CNTN4: variants seen among roughly 807,000 people sequenced by gnomAD.
CNTN4 encodes contactin 4.
CNTN4 carries 77 observed loss-of-function variants against 122.5 expected under a neutral mutation model. That is an observed-to-expected ratio of 0.63 (90% CI 0.52 to 0.76). CNTN4 has a LOEUF of 0.76. Among genes scored for constraint, CNTN4 ranks in the 30% least tolerant of loss-of-function variants. The probability of loss-of-function intolerance (pLI) is 0.00; values close to 1 mark genes in which losing one functional copy is unlikely to be tolerated. For synonymous variants in CNTN4, 512 were observed against 447.0 expected, an observed-to-expected ratio of 1.15 and a Z score of -1.83; for missense variants, 1,256 against 1,259.1, an observed-to-expected ratio of 1.00 and a Z score of 0.04.
intron 21 of CNTN4, among the ~76,000 whole-genome samples, chr3:3,042,656 C>T (rs1004756853): frequency 1.3e-5 from 2 of 152,084 alleles, no homozygotes; most frequent in African/African-American, 2.4e-5. Flanking sequence ...TAAGCATTTA[C>T]GGGATGGTTG....
At chr3:2,425,226 C>A (rs987748425) in intron 3 of CNTN4, among the ~76,000 whole-genome samples, 1 of 152,138 alleles carries the variant, frequency 6.6e-6, no homozygotes, top group Non-Finnish European at 1.5e-5. Flanking sequence ...AGTCTTTAAT[C>A]CATCTTGAAT....
chr3:2,413,793 G>A lies in CNTN4; in HGVS notation c.-89+74560G>A, dbSNP rs1413321490. 4.6e-5 allele frequency among the ~76,000 whole-genome samples: 7 copies of A among 152,034 alleles called. No homozygotes were observed. The South Asian group carries it at 8.3e-4, about 18-fold the overall frequency. On this transcript the variant is annotated intron_variant, in intron 3 of 24. Coordinates refer to ENST00000418658, the MANE Select transcript of CNTN4 (RefSeq NM_175607.3). ...TGACCTCAAGTGATCCACCTGCCTC[G>A]GCCTCCCAAAGTGCTGGGATTACAG... is the stretch of plus-strand genomic sequence containing the variant.
At chr3:2,117,241 C>T (rs2033419003) in intron 2 of CNTN4, among the ~76,000 whole-genome samples, 1 of 152,180 alleles carries the variant, frequency 6.6e-6, no homozygotes. Context: ...GAGCTTCTCA[C>T]AGAGCTCAGG....
intron 16 of CNTN4, 135 bp downstream of exon 16, chr3:3,031,110 T>C: frequency 8.6e-7 from 1 of 1,160,952 alleles, no homozygotes. Flanking sequence ...AAACAGTGGC[T>C]AACAGTCCAC....
intron 3 of CNTN4, among the ~76,000 whole-genome samples, chr3:2,393,320 A>G (rs1029469695): frequency 3.3e-5 from 5 of 152,154 alleles, no homozygotes; most frequent in East Asian, 3.9e-4. Flanking sequence ...AATAGGTCAC[A>G]TTCTGAGCTG....
chr3:2,585,968 A>C (rs2080185082), intron 4 of CNTN4, among the ~76,000 whole-genome samples: 2 of 152,132 alleles, frequency 1.3e-5, no homozygotes, highest in South Asian at 4.2e-4. Flanking sequence ...ATATTTCATC[A>C]ATGAAGATAA....
chr3:2,924,045 G>C (rs1418459926), intron 12 of CNTN4, among the ~76,000 whole-genome samples: 1 of 151,890 alleles, frequency 6.6e-6, no homozygotes, highest in Non-Finnish European at 1.5e-5. Flanking sequence ...ATAAATCTGA[G>C]GTAAACAGAT....
chr3:3,014,077 CA>C lies in CNTN4; in HGVS notation c.1487-12024del, dbSNP rs1559789840. ...ACACACACACACACACACACACACA[CA>C]CACACACACCCCTAGGGGTTTTGTT... On this transcript the variant is annotated intron_variant, in intron 14 of 24. Transcript: ENST00000418658. Among the ~76,000 whole-genome samples the C allele has an allele frequency of 5.9e-5, 9 of 152,052 alleles. No individual in the cohort carries two copies. In the South Asian group the frequency reaches 6.2e-4, roughly 11 times the overall value.
chr3:2,959,321 T>C (rs1293722439), intron 13 of CNTN4, among the ~76,000 whole-genome samples: 1 of 152,204 alleles, frequency 6.6e-6, no homozygotes, highest in African/African-American at 2.4e-5. Flanking sequence ...CAGAAGGCAG[T>C]CTATTTCCAG....
chr3:2,389,659 T>C (rs574461297), intron 3 of CNTN4, among the ~76,000 whole-genome samples: 1 of 152,316 alleles, frequency 6.6e-6, no homozygotes, highest in South Asian at 2.1e-4. Flanking sequence ...GGATCTTATC[T>C]ATCTCCTTCA....
chr3:2,701,564 G>T (rs192647854), intron 4 of CNTN4, among the ~76,000 whole-genome samples: 1 of 152,342 alleles, frequency 6.6e-6, no homozygotes, highest in East Asian at 1.9e-4. Flanking sequence ...GTTTGAGCCA[G>T]AGCTATACAG....
At chr3:2,836,529 A>G (rs1357352127) in intron 7 of CNTN4, among the ~76,000 whole-genome samples, 2 of 152,142 alleles carry the variant, frequency 1.3e-5, no homozygotes, top group African/African-American at 4.8e-5. Context: ...GGTGTTATGT[A>G]TTCCCATTTT....
At chr3:2,527,857 C>T (rs1042235578) in intron 3 of CNTN4, among the ~76,000 whole-genome samples, 5 of 152,142 alleles carry the variant, frequency 3.3e-5, no homozygotes, top group African/African-American at 1.2e-4. Context: ...TGATCCTCCC[C>T]CTTTTAAATC....
intron 2 of CNTN4, among the ~76,000 whole-genome samples, chr3:2,252,859 G>T (rs1240513192): frequency 2.6e-5 from 4 of 151,942 alleles, no homozygotes; most frequent in Admixed American, 2.6e-4. Flanking sequence ...CTCCCAAATT[G>T]TTTAATACTT....
intron 14 of CNTN4, among the ~76,000 whole-genome samples, chr3:2,994,594 C>CATATATATATATATATATATAT (rs35069373): frequency 4.6e-4 from 66 of 144,634 alleles, no homozygotes; most frequent in East Asian, 4.2e-3. Context: ...CAGATTTTTT[C>CATATATATATATATATATATAT]ATATATATAT....
At chr3:2,968,947 T>G (rs910141921) in intron 13 of CNTN4, among the ~76,000 whole-genome samples, 8 of 152,208 alleles carry the variant, frequency 5.3e-5, no homozygotes, top group African/African-American at 1.9e-4. Context: ...CCAAACTGGC[T>G]TATGAGGCAT....
chr3:2,304,941 T>G (rs1347435559), intron 2 of CNTN4, among the ~76,000 whole-genome samples: 2 of 151,848 alleles, frequency 1.3e-5, no homozygotes, highest in Admixed American at 6.6e-5. Context: ...ATTTATTTAT[T>G]TATTCATAAG....
chr3:2,440,758 A>C (rs951601976), intron 3 of CNTN4, among the ~76,000 whole-genome samples: 5 of 150,166 alleles, frequency 3.3e-5, no homozygotes, highest in Non-Finnish European at 7.4e-5. Context: ...ATATGTGTGA[A>C]TATATATACA....
chr3:2,783,034 T>G (rs541449072), intron 6 of CNTN4, among the ~76,000 whole-genome samples: 1 of 152,258 alleles, frequency 6.6e-6, no homozygotes, highest in African/African-American at 2.4e-5. Flanking sequence ...ATCACAGCAC[T>G]TTGGGAGGCA....
Sources: allele counts gnomAD v4.1 joint callset (sites outside exome capture counted in the v4.1 genomes callset), GRCh38; gene constraint gnomAD v4.1.1; transcripts MANE v1.5; gene names NCBI Gene and HGNC (gene_info 2026-07-23, HGNC 2026-07-21).